TRIP12: variants seen among roughly 807,000 people sequenced by gnomAD.
TRIP12 encodes the protein E3 ubiquitin-protein ligase TRIP12.
Under a neutral mutation model 244.2 loss-of-function variants are expected in TRIP12, and 25 were observed. The observed-to-expected ratio is 0.10, with a 90% confidence interval of 0.07 to 0.14. TRIP12 has a LOEUF of 0.14. Among genes scored for constraint, TRIP12 ranks in the 10% least tolerant of loss-of-function variants. The pLI, the probability that TRIP12 is intolerant of heterozygous loss-of-function variation, is 1.00. For missense variants in TRIP12, 1,677 were observed against 2,486.4 expected (o/e 0.67, Z 6.92); for synonymous variants, 905 against 873.1 (o/e 1.04, Z -0.64).
chr2:229,864,111 C>CAGA (rs1003431026), intron 2 of TRIP12, among the ~76,000 whole-genome samples: 1 of 146,240 alleles, frequency 6.8e-6, no homozygotes, highest in Non-Finnish European at 1.5e-5. Flanking sequence ...TGTTCAGGAG[C>CAGA]TTCTATAACA....
rs1020403353 is a variant in TRIP12 at position 229,809,996 on chromosome 2, T to A, written c.2221+884A>T. 3.2e-4 allele frequency among the ~76,000 whole-genome samples: 49 copies of A among 152,240 alleles called. 1 individual carries two copies. Among genetic ancestry groups the A allele is most frequent in the African/African-American group, 1.1e-3 (46 of 41,464 alleles). On this transcript the variant is annotated intron_variant, in intron 15 of 41. Transcript: ENST00000675903. ...CTCCCAAGGTAACATCCATAGAGAT[T>A]AGAATTATGGCTATGAAATTACAAA... is the stretch of plus-strand genomic sequence containing the variant.
chr2:229,810,451 G>A (rs1356500416), intron 15 of TRIP12, among the ~76,000 whole-genome samples: 1 of 152,196 alleles, frequency 6.6e-6, no homozygotes, highest in Non-Finnish European at 1.5e-5. Context: ...ACATTCATCA[G>A]TATAAATACA....
chr2:229,892,779 T>C (rs554240438), intron 1 of TRIP12, among the ~76,000 whole-genome samples: 70 of 152,098 alleles, frequency 4.6e-4, no homozygotes, highest in African/African-American at 1.7e-3. Flanking sequence ...GGTGGGAGGA[T>C]TGCTTGAGCC....
intron 39 of TRIP12, 86 bp from the exon 40 acceptor site, chr2:229,769,411 A>G: frequency 8.2e-7 from 1 of 1,221,758 alleles, no homozygotes; most frequent in South Asian, 1.3e-5. Context: ...GTACCATAAA[A>G]GAGTATCAGT....
chr2:229,876,441 A>G (rs1007270734), intron 2 of TRIP12, among the ~76,000 whole-genome samples: 2 of 152,204 alleles, frequency 1.3e-5, no homozygotes, highest in African/African-American at 2.4e-5. Flanking sequence ...CTTAAAACTA[A>G]TAAGATGTTT....
chr2:229,831,705 C>A (rs1033389072), intron 6 of TRIP12, among the ~76,000 whole-genome samples: 1 of 152,096 alleles, frequency 6.6e-6, no homozygotes, highest in Admixed American at 6.5e-5. Context: ...AGTTAAGACT[C>A]AGGATACTAT....
chr2:229,918,719 G>T (rs960467423), intron 1 of TRIP12, among the ~76,000 whole-genome samples: 4 of 152,150 alleles, frequency 2.6e-5, no homozygotes, highest in African/African-American at 7.2e-5. Flanking sequence ...TTCAAATTAT[G>T]AAGTTCTATA....
chr2:229,789,578 A>G, intron 31 of TRIP12, 33 bp downstream of exon 31: 1 of 1,601,468 alleles, frequency 6.2e-7, no homozygotes, highest in Non-Finnish European at 8.5e-7. Context: ...ATCACAGACC[A>G]TGAAAACTTC....
intron 30 of TRIP12, among the ~76,000 whole-genome samples, chr2:229,790,504 T>G: frequency 6.7e-6 from 1 of 148,176 alleles, no homozygotes; most frequent in Admixed American, 6.8e-5. Context: ...AGTGTGAAAA[T>G]TACTGTGGTG....
rs766377703 is a variant in TRIP12 at position 229,836,983 on chromosome 2, G to T, written c.1135C>A (p.Arg379=). 6.5e-7 allele frequency: 1 copy of T among 1,539,396 alleles called. No homozygotes were observed. The highest frequency in any genetic ancestry group is 8.7e-7 in the Non-Finnish European group (1 of 1,148,462). ...CTTTTGCCCAGGCCAGAGCCTCGCC[G>T]ACTACAACAGAAAAATGTCATCATG... ...KTTGSCASTS[R]RGSGLGKRGA... Residue 379 remains arginine, a splice_region_variant and synonymous_variant, in exon 6 of 42, where the codon CGG becomes AGG. Coordinates refer to ENST00000675903, the MANE Select transcript of TRIP12 (RefSeq NM_001348323.3).
intron 1 of TRIP12, among the ~76,000 whole-genome samples, chr2:229,888,835 A>G (rs943055769): frequency 2.6e-5 from 4 of 151,960 alleles, no homozygotes; most frequent in African/African-American, 9.7e-5. Flanking sequence ...GTTGAGAGCT[A>G]TTTCTAGAAA....
intron 4 of TRIP12, among the ~76,000 whole-genome samples, chr2:229,842,947 T>C (rs1221754025): frequency 1.3e-5 from 2 of 152,220 alleles, no homozygotes; most frequent in Non-Finnish European, 2.9e-5. Flanking sequence ...TTGACAAATG[T>C]ATTTACCCAT....
intron 2 of TRIP12, among the ~76,000 whole-genome samples, chr2:229,870,775 G>A (rs954050581): frequency 2.6e-5 from 4 of 151,856 alleles, no homozygotes; most frequent in Non-Finnish European, 4.4e-5. Context: ...ATTTTTTTGC[G>A]GTATACTTCT....
At chr2:229,887,528 G>A (rs911190303) in intron 1 of TRIP12, among the ~76,000 whole-genome samples, 1 of 152,084 alleles carries the variant, frequency 6.6e-6, no homozygotes, top group South Asian at 2.1e-4. Context: ...CAGATCTAAG[G>A]GTAGATGAGG....
At position 229,873,047 on chromosome 2, in the gene TRIP12, C is replaced by A. The variant is rs146181877; in HGVS notation, c.98+6935G>T. Among the ~76,000 whole-genome samples the A allele has an allele frequency of 6.1e-3, 930 of 152,256 alleles. 7 individuals carry two copies. Among genetic ancestry groups the A allele is most frequent in the African/African-American group, 0.021 (875 of 41,550 alleles). On this transcript the variant is annotated intron_variant, in intron 2 of 41. Transcript: ENST00000675903. ...CAAAGAAAAAAATAATAGAAGGAGA[C>A]TGCATCAAAAATTATTCTCAGCCAG...
At chr2:229,788,649 G>A (rs971477446) in intron 32 of TRIP12, 149 bp downstream of exon 32, 49 of 1,081,020 alleles carry the variant, frequency 4.5e-5, no homozygotes, top group Non-Finnish European at 6.0e-5. Flanking sequence ...CTGTTTACAT[G>A]CTAAAGCCAC....
chr2:229,884,236 C>CTTTTTTTTT (rs200052292), intron 1 of TRIP12, among the ~76,000 whole-genome samples: 1 of 123,604 alleles, frequency 8.1e-6, no homozygotes, highest in South Asian at 2.5e-4. Context: ...TTTTTCTTTT[C>CTTTTTTTTT]TTTTTTTTTT....
chr2:229,771,300 T>G (rs906918300), intron 39 of TRIP12, among the ~76,000 whole-genome samples: 1 of 152,244 alleles, frequency 6.6e-6, no homozygotes, highest in African/African-American at 2.4e-5. Context: ...CTATGCTTAC[T>G]GTCACGCGTG....
At chr2:229,838,314 GC>G (rs2154306392) in intron 5 of TRIP12, among the ~76,000 whole-genome samples, 1 of 152,182 alleles carries the variant, frequency 6.6e-6, no homozygotes, top group East Asian at 1.9e-4. Flanking sequence ...AACACACTGG[GC>G]TGACCACTTT....
Sources: gnomAD v4.1 joint callset for allele counts (sites outside exome capture counted in the v4.1 genomes callset) on GRCh38, gnomAD v4.1.1 for gene constraint, MANE v1.5 for transcripts, NCBI Gene and HGNC (gene_info 2026-07-23, HGNC 2026-07-21) for gene names.